The following NRG1 variants were observed in gnomAD, a reference collection of about 807,000 sequenced individuals.
NRG1 encodes the protein neuregulin 1, also known as pro-neuregulin-1, membrane-bound isoform.
In NRG1, 18 loss-of-function variants were observed where a neutral mutation model predicts 63.8. The ratio of observed to expected loss-of-function variants is 0.28; its 90% CI spans 0.19 to 0.42. NRG1 has a LOEUF of 0.42. Among genes scored for constraint, NRG1 ranks in the 10% least tolerant of loss-of-function variants. The probability of loss-of-function intolerance (pLI) is 1.00; values close to 1 mark genes in which losing one functional copy is unlikely to be tolerated. For synonymous variants in NRG1, 302 were observed against 301.3 expected, an observed-to-expected ratio of 1.00 and a Z score of -0.02; for missense variants, 762 against 814.7, an observed-to-expected ratio of 0.94 and a Z score of 0.79.
At chr8:31,852,584 C>A (rs1474907757) in intron 1 of NRG1, among the ~76,000 whole-genome samples, 2 of 150,894 alleles carry the variant, frequency 1.3e-5, no homozygotes, top group Non-Finnish European at 1.5e-5. Flanking sequence ...ATGGTAGTTT[C>A]TTTTGCTGTG....
chr8:32,490,919 A>T (rs189297525), intron 1 of NRG1, among the ~76,000 whole-genome samples: 1 of 152,232 alleles, frequency 6.6e-6, no homozygotes, highest in Non-Finnish European at 1.5e-5. Context: ...ACTTCGCCCC[A>T]TCTCCAATCT....
At chr8:32,160,485 G>A (rs954172744) in intron 1 of NRG1, among the ~76,000 whole-genome samples, 1 of 152,218 alleles carries the variant, frequency 6.6e-6, no homozygotes, top group Admixed American at 6.5e-5. Context: ...CACTACAGTA[G>A]TTATTGTGGG....
intron 1 of NRG1, among the ~76,000 whole-genome samples, chr8:31,654,372 T>C (rs894966775): frequency 1.3e-5 from 2 of 152,220 alleles, no homozygotes; most frequent in East Asian, 3.9e-4. Flanking sequence ...GAGTAGTCTT[T>C]TGTGCATCTG....
intron 1 of NRG1, among the ~76,000 whole-genome samples, chr8:31,660,308 C>A (rs1805856779): frequency 6.6e-6 from 1 of 152,050 alleles, no homozygotes; most frequent in Admixed American, 6.6e-5. Flanking sequence ...GATGCTTGAC[C>A]AGGATTAAGC....
chr8:32,691,293 C>T (rs1811572166), intron 5 of NRG1, among the ~76,000 whole-genome samples: 1 of 152,128 alleles, frequency 6.6e-6, no homozygotes, highest in South Asian at 2.1e-4. Context: ...TGGGAGGTTG[C>T]AGTGAGCCGA....
At chr8:32,013,389 T>C (rs1041359713) in intron 1 of NRG1, among the ~76,000 whole-genome samples, 3 of 152,136 alleles carry the variant, frequency 2.0e-5, no homozygotes, top group Admixed American at 1.3e-4. Context: ...TGATGTCATG[T>C]AGATAGGCAC....
intron 1 of NRG1, among the ~76,000 whole-genome samples, chr8:32,106,202 C>T (rs1831235960): frequency 6.6e-6 from 1 of 152,174 alleles, no homozygotes; most frequent in South Asian, 2.1e-4. Flanking sequence ...ATGGGAGAGA[C>T]ACAATTTGTT....
chr8:32,721,777 A>G (rs1364664241), intron 5 of NRG1: 26 of 1,205,914 alleles, frequency 2.2e-5, no homozygotes, highest in Non-Finnish European at 2.7e-5. Flanking sequence ...TTGGAAAACT[A>G]ATGACTCCAC....
chr8:31,799,589 T>C lies in NRG1; in HGVS notation c.37+160158T>C, dbSNP rs537699923. 6.6e-5 allele frequency among the ~76,000 whole-genome samples: 10 copies of C among 152,208 alleles called. No individual in the cohort carries two copies. The East Asian group carries it at 1.9e-3, about 29-fold the overall frequency. Reference sequence around the variant, plus strand: ...CATACACATAATTAACATATAATTATATGAATTTATATATAATTTTGCATT... The same window carrying C: ...CATACACATAATTAACATATAATTACATGAATTTATATATAATTTTGCATT... On this transcript the variant is annotated intron_variant, in intron 1 of 10. Coordinates refer to the NRG1 transcript ENST00000519301.
At chr8:32,626,702 A>G (rs1470486436) in intron 5 of NRG1, among the ~76,000 whole-genome samples, 2 of 151,434 alleles carry the variant, frequency 1.3e-5, no homozygotes, top group African/African-American at 2.4e-5. Flanking sequence ...AAAAATAGAG[A>G]AGCCATTTGT....
intron 1 of NRG1, among the ~76,000 whole-genome samples, chr8:32,009,401 T>A (rs1226826106): frequency 6.6e-6 from 1 of 152,068 alleles, no homozygotes; most frequent in Non-Finnish European, 1.5e-5. Flanking sequence ...GTACTCTATG[T>A]CAGATGCTGT....
At chr8:31,764,058 A>G (rs983545562) in intron 1 of NRG1, among the ~76,000 whole-genome samples, 2 of 151,888 alleles carry the variant, frequency 1.3e-5, no homozygotes, top group East Asian at 3.9e-4. Flanking sequence ...CACAGAAGAT[A>G]AAGGATGGAG....
At chr8:32,619,669 G>A (rs1847989776) in intron 5 of NRG1, among the ~76,000 whole-genome samples, 1 of 152,194 alleles carries the variant, frequency 6.6e-6, no homozygotes, top group Non-Finnish European at 1.5e-5. Context: ...AAAGAGAAAA[G>A]CCATAGGTAA....
Position 32,736,671 on chromosome 8 carries a change from T to C in NRG1, c.633-6004T>C, listed in dbSNP as rs1309080266. Among the ~76,000 whole-genome samples, 3 of 152,200 alleles carry C rather than the reference T, an allele frequency of 2.0e-5. No homozygotes were observed. The East Asian group carries it at 5.8e-4, about 29-fold the overall frequency. On this transcript the variant is annotated intron_variant, in intron 6 of 11. Transcript: ENST00000356819. ...TTTAAATTGTCCAAATATTTCACTG[T>C]GGAATGATGACTAGAGAGAGAGGAA...
chr8:32,229,570 C>A (rs1467027067), intron 1 of NRG1, among the ~76,000 whole-genome samples: 2 of 152,244 alleles, frequency 1.3e-5, no homozygotes, highest in African/African-American at 4.8e-5. Flanking sequence ...ACACCCTCTG[C>A]CAGGTTCTAA....
At chr8:31,876,043 A>AAACC (rs1379919043) in intron 1 of NRG1, among the ~76,000 whole-genome samples, 5 of 151,300 alleles carry the variant, frequency 3.3e-5, no homozygotes, top group African/African-American at 1.2e-4. Flanking sequence ...ACAAACAAAC[A>AAACC]AACAAACAAA....
intron 1 of NRG1, among the ~76,000 whole-genome samples, chr8:32,492,820 A>G (rs1267827377): frequency 1.3e-5 from 2 of 152,132 alleles, no homozygotes; most frequent in Non-Finnish European, 2.9e-5. Context: ...GTTTCATTAA[A>G]CAAATGTTAT....
intron 1 of NRG1, among the ~76,000 whole-genome samples, chr8:31,887,087 T>C (rs1830775835): frequency 6.6e-6 from 1 of 152,072 alleles, no homozygotes; most frequent in African/African-American, 2.4e-5. Context: ...ACTTAATCAG[T>C]GAACAGATTT....
At chr8:32,028,677 A>G (rs1360459161) in intron 1 of NRG1, among the ~76,000 whole-genome samples, 2 of 152,240 alleles carry the variant, frequency 1.3e-5, no homozygotes, top group Non-Finnish European at 1.5e-5. Flanking sequence ...GCTAAAATTA[A>G]TAACTATAGA....
Sources: gnomAD v4.1 joint callset for allele counts (sites outside exome capture counted in the v4.1 genomes callset) on GRCh38, gnomAD v4.1.1 for gene constraint, MANE v1.5 for transcripts, NCBI Gene and HGNC (gene_info 2026-07-23, HGNC 2026-07-21) for gene names.